Variants in CRYZL1 observed in about 807,000 individuals in gnomAD.
CRYZL1 encodes the protein ferry endosomal RAB5 effector complex subunit 4.
CRYZL1 carries 34 observed loss-of-function variants against 50.6 expected under a neutral mutation model. The ratio of observed to expected loss-of-function variants is 0.67; its 90% CI spans 0.51 to 0.89. The LOEUF is 0.89. Ranked by LOEUF, CRYZL1 falls within the 40% of genes least tolerant of loss-of-function variation. The pLI is 0.00. For synonymous variants in CRYZL1, 125 were observed against 134.3 expected (o/e 0.93, Z 0.48); for missense variants, 354 against 402.3 (o/e 0.88, Z 1.03).
rs996334717 is a variant in CRYZL1 at position 33,616,805 on chromosome 21, TTATC to T, written c.218-59_218-56del. 36 of 1,385,860 alleles carry T rather than the reference TTATC, an allele frequency of 2.6e-5. No individual in the cohort carries two copies. The African/African-American group carries it at 2.8e-4, about 11-fold the overall frequency. The allele number at this position is 1,385,860 out of a possible 1,614,324, so 85.8% of individuals were successfully genotyped here. A position where few individuals can be genotyped will look rare whatever the true frequency, so the allele number is the denominator to read the frequency against. ...ATTACAAGTTTATTAAATATAATTC[TTATC>T]TATTAAAATACATTTTTAAAATCTG... On this transcript the variant is annotated intron_variant, in intron 4 of 12. Coordinates refer to ENST00000381554, the MANE Select transcript of CRYZL1 (RefSeq NM_145858.3).
intron 1 of CRYZL1, chr21:33,641,313 G>A (rs2087323265): frequency 7.8e-6 from 12 of 1,544,870 alleles, no homozygotes; most frequent in Admixed American, 2.0e-5. Context: ...TGGCTGAGAA[G>A]AAGTAACAGA....
chr21:33,639,312 T>C (rs1601355977), intron 1 of CRYZL1, among the ~76,000 whole-genome samples: 1 of 152,232 alleles, frequency 6.6e-6, no homozygotes, highest in East Asian at 1.9e-4. Context: ...CCAGTTACTA[T>C]TCAATGTAGG....
chr21:33,602,095 T>C, intron 8 of CRYZL1, 139 bp downstream of exon 8: 1 of 566,506 alleles, frequency 1.8e-6, no homozygotes, highest in Non-Finnish European at 3.2e-6. Context: ...CCATCCTGGC[T>C]TCCCAAGGTG....
At chr21:33,637,355 G>A (rs2145966697) in intron 1 of CRYZL1, among the ~76,000 whole-genome samples, 1 of 150,894 alleles carries the variant, frequency 6.6e-6, no homozygotes, top group Non-Finnish European at 1.5e-5. Flanking sequence ...TGAGAAGGGA[G>A]AATGGCATGA....
At chr21:33,640,038 C>G in intron 1 of CRYZL1, 1 of 980,984 alleles carries the variant, frequency 1.0e-6, no homozygotes. Flanking sequence ...GTTGGCCAGG[C>G]TGGTCTCGAA....
At chr21:33,597,106 G>C (rs2086702421) in intron 10 of CRYZL1, among the ~76,000 whole-genome samples, 174 bp downstream of exon 10, 1 of 151,896 alleles carries the variant, frequency 6.6e-6, no homozygotes, top group Non-Finnish European at 1.5e-5. Context: ...CTGGCCTCAA[G>C]TGATCCGCCC....
At position 33,602,240 on chromosome 21, in the gene CRYZL1, G is replaced by A; in HGVS notation, c.571C>T (p.Pro191Ser). Residue 191 changes from proline to serine, a missense_variant, in exon 8 of 13, where the codon CCC becomes TCC. Transcript: ENST00000381554. The stretch of plus-strand genomic sequence containing the variant: ...TGCTCATAATATTACCCACCTATGG[G>A]AGGTCTGAATCTTTCAAGGCACTGC... Reference protein sequence around the residue: ...DKQCLERFRPPIARVIDVSNG... With the variant: ...DKQCLERFRPSIARVIDVSNG... The A allele has an allele frequency of 6.4e-7, 1 of 1,552,608 alleles. No homozygotes were observed. Among genetic ancestry groups the A allele is most frequent in the Non-Finnish European group, 8.9e-7 (1 of 1,123,920 alleles).
intron 6 of CRYZL1, among the ~76,000 whole-genome samples, chr21:33,604,826 GT>G (rs2086794539): frequency 1.3e-5 from 2 of 152,078 alleles, no homozygotes; most frequent in Non-Finnish European, 2.9e-5. Flanking sequence ...GAAAAATATT[GT>G]TACACCGTGC....
At chr21:33,632,160 TAAAAAA>T (rs753671237) in intron 1 of CRYZL1, among the ~76,000 whole-genome samples, 6 of 90,888 alleles carry the variant, frequency 6.6e-5, no homozygotes, top group Non-Finnish European at 2.3e-5. Flanking sequence ...CCATCTCTAC[TAAAAAA>T]AAAAAAAAAA....
At position 33,589,452 on chromosome 21, in the gene CRYZL1, A is replaced by T; in HGVS notation, c.*370T>A. The T allele has an allele frequency of 2.9e-6, 1 of 339,636 alleles. No individual in the cohort carries two copies. Among genetic ancestry groups the T allele is most frequent in the Non-Finnish European group, 5.3e-6 (1 of 189,412 alleles). 21.0% of individuals were successfully genotyped at this position (339,636 alleles called of 1,614,324 possible). A position where few individuals can be genotyped will look rare whatever the true frequency, so the allele number is the denominator to read the frequency against. On this transcript the variant is annotated 3_prime_UTR_variant, in exon 13 of 13. Coordinates refer to ENST00000381554, the MANE Select transcript of CRYZL1 (RefSeq NM_145858.3). ...TGAGAACGGAGTTGATACAAAATTA[A>T]TACGTTACTTTGATAGCTTAGCAAA...
chr21:33,623,477 G>C (rs1417616386), intron 3 of CRYZL1, among the ~76,000 whole-genome samples: 1 of 152,058 alleles, frequency 6.6e-6, no homozygotes, highest in Non-Finnish European at 1.5e-5. Context: ...CTTAGACTTG[G>C]ATTTTAATGG....
intron 1 of CRYZL1, among the ~76,000 whole-genome samples, chr21:33,632,040 T>C (rs1236715682): frequency 6.6e-6 from 1 of 151,716 alleles, no homozygotes; most frequent in Non-Finnish European, 1.5e-5. Flanking sequence ...TTTAAACTTA[T>C]AGCCGGGCAC....
intron 6 of CRYZL1, among the ~76,000 whole-genome samples, chr21:33,612,726 C>T (rs1320318501): frequency 6.6e-6 from 1 of 152,056 alleles, no homozygotes; most frequent in African/African-American, 2.4e-5. Context: ...TGTGTGTGTA[C>T]ATGTACTTTA....
chr21:33,605,527 A>ATTTTTTTTTTTT (rs1555904645), intron 6 of CRYZL1, among the ~76,000 whole-genome samples: 1 of 14,838 alleles, frequency 6.7e-5, no homozygotes, highest in African/African-American at 4.1e-4. Flanking sequence ...CAGTACAAGA[A>ATTTTTTTTTTTT]TTCTTTTTTT....
chr21:33,590,723 T>G (rs142384906), intron 12 of CRYZL1, among the ~76,000 whole-genome samples: 542 of 152,360 alleles, frequency 3.6e-3, no homozygotes, highest in Non-Finnish European at 5.3e-3. Flanking sequence ...GCCTACTCCC[T>G]CTTTTATAAC....
intron 2 of CRYZL1, among the ~76,000 whole-genome samples, chr21:33,629,360 C>T (rs2145956997): frequency 6.6e-6 from 1 of 152,316 alleles, no homozygotes; most frequent in South Asian, 2.1e-4. Context: ...CTCTTGGGTT[C>T]AAGCAATGAT....
At position 33,589,479 on chromosome 21, in the gene CRYZL1, G is replaced by T. The variant is rs765606724; in HGVS notation, c.*343C>A. 1.4e-4 allele frequency: 58 copies of T among 407,052 alleles called. No homozygotes were observed. Among genetic ancestry groups the T allele is most frequent in the Non-Finnish European group, 2.3e-4 (52 of 230,438 alleles). 25.2% of individuals were successfully genotyped at this position (407,052 alleles called of 1,614,324 possible). A position where few individuals can be genotyped will look rare whatever the true frequency, so the allele number is the denominator to read the frequency against. On this transcript the variant is annotated 3_prime_UTR_variant, in exon 13 of 13. Coordinates refer to ENST00000381554, the MANE Select transcript of CRYZL1 (RefSeq NM_145858.3). ...ACGTTACTTTGATAGCTTAGCAAAGGCCTGCAACAGCTTTTATCAAGAGTA... is the reference window on the plus strand; with the variant it reads ...ACGTTACTTTGATAGCTTAGCAAAGTCCTGCAACAGCTTTTATCAAGAGTA...
At chr21:33,612,111 G>C (rs756288838) in intron 6 of CRYZL1, among the ~76,000 whole-genome samples, 3 of 152,072 alleles carry the variant, frequency 2.0e-5, no homozygotes, top group Admixed American at 1.3e-4. Context: ...TATGCAGTAT[G>C]CCTCCTAGTG....
chr21:33,600,932 A>ATATTTTT (rs760240536), intron 8 of CRYZL1, among the ~76,000 whole-genome samples: 1 of 122,596 alleles, frequency 8.2e-6, no homozygotes, highest in South Asian at 2.6e-4. Flanking sequence ...CGGTCCATAA[A>ATATTTTT]GTTTTTTTTT....
Sources: allele counts gnomAD v4.1 joint callset (sites outside exome capture counted in the v4.1 genomes callset), GRCh38; gene constraint gnomAD v4.1.1; transcripts MANE v1.5; gene names NCBI Gene and HGNC (gene_info 2026-07-23, HGNC 2026-07-21).